Variants in PFAS observed in about 807,000 individuals in gnomAD.
PFAS encodes FGAM synthase.
In PFAS, 97 loss-of-function variants were observed where a neutral mutation model predicts 140.6. The ratio of observed to expected loss-of-function variants is 0.69; its 90% confidence interval spans 0.59 to 0.82. The LOEUF is 0.82. Ranked by LOEUF, PFAS falls within the 40% of genes least tolerant of loss-of-function variation. The pLI is 0.00. For synonymous variants in PFAS, 679 were observed against 718.8 expected, an observed-to-expected ratio of 0.94 and a Z score of 0.88; for missense variants, 1,656 against 1,780.2, an observed-to-expected ratio of 0.93 and a Z score of 1.26.
intron 15 of PFAS, 66 bp downstream of exon 15, chr17:8,264,002 G>C: frequency 6.4e-7 from 1 of 1,566,654 alleles, no homozygotes. Context: ...GTATGGGCTA[G>C]AGGGAGAGCT....
chr17:8,265,803 C>T, intron 20 of PFAS, 59 bp from the exon 21 acceptor site: 1 of 1,439,772 alleles, frequency 6.9e-7, no homozygotes, highest in South Asian at 1.2e-5. Context: ...GCTGTGAGCC[C>T]CTCAGGGATG....
chr17:8,257,023 C>T, intron 9 of PFAS, 60 bp downstream of exon 9: 1 of 1,576,862 alleles, frequency 6.3e-7, no homozygotes, highest in Admixed American at 1.7e-5. Flanking sequence ...TGGCAGGCAG[C>T]AAACTTCTAT....
rs1438792242 is a variant in PFAS, at chr17:8,267,389, G to A, written c.3193G>A (p.Val1065Ile). The change falls in exon 25 of 28, where the codon GTC becomes ATC. Residue 1065 changes from valine to isoleucine, a missense_variant. Val to Ile is a conservative substitution (Grantham distance 29, BLOSUM62 3). Transcript: ENST00000314666. This position sits in a 1 kb window ranked among gnomAD's most constrained non-coding sequence, Gnocchi z 4.9. ...PREPGGPSPRVAILREEGSNG... is the reference protein window; with the variant it reads ...PREPGGPSPRIAILREEGSNG... ...CCCCCAAGGTGGTCCCAGCCCCCGA[G>A]TCGCCATCTTGCGAGAGGAGGGCAG... 5 of 1,614,090 alleles carry A rather than the reference G, an allele frequency of 3.1e-6. No individual in the cohort carries two copies. The highest frequency in any genetic ancestry group is 2.2e-5 in the East Asian group (1 of 44,886).
intron 17 of PFAS, 63 bp from the exon 18 acceptor site, chr17:8,264,832 A>G (rs1452733128): frequency 2.5e-6 from 3 of 1,213,204 alleles, no homozygotes; most frequent in Non-Finnish European, 3.5e-6. Flanking sequence ...CCTTGGGGGC[A>G]TGTGCGGGAG....
rs755783932 is a variant in PFAS, at chr17:8,267,532, C to G, written c.3268-19C>G. On this transcript the variant is annotated intron_variant, in intron 25 of 27. Coordinates refer to ENST00000314666, the MANE Select transcript of PFAS (RefSeq NM_012393.3). The surrounding 1 kb of genome is among the most constrained non-coding windows in gnomAD (Gnocchi z 4.9). ...GCTGCGTGTCCTCCCACCCACACTC[C>G]CCCTCCCCACCTTCGCAGGTATGGG... 6.3e-7 allele frequency: 1 copy of G among 1,586,790 alleles called. No homozygotes were observed. Among genetic ancestry groups the G allele is most frequent in the Non-Finnish European group, 8.7e-7 (1 of 1,155,178 alleles).
intron 1 of PFAS, among the ~76,000 whole-genome samples, chr17:8,251,964 T>C (rs1361109174): frequency 1.3e-5 from 2 of 152,084 alleles, no homozygotes; most frequent in African/African-American, 4.8e-5. Flanking sequence ...TGAGCCACCA[T>C]GCCCAGCCCT....
rs1274924137 is a variant in PFAS, at chr17:8,269,819, T to C, written c.*555T>C. 1 of 152,708 alleles carries C rather than the reference T, an allele frequency of 6.5e-6. No homozygotes were observed. The highest frequency in any genetic ancestry group is 1.5e-5 in the Non-Finnish European group (1 of 68,456). 9.5% of individuals were successfully genotyped at this position (152,708 alleles called of 1,614,324 possible). On this transcript the variant is annotated 3_prime_UTR_variant, in exon 28 of 28. Transcript: ENST00000314666. ...GTGGAAGTTTCTCAGCGTTTCTGGCTGTCTTAGGGCTGGCCTCAGAACCCA... is the reference window on the plus strand; with the variant it reads ...GTGGAAGTTTCTCAGCGTTTCTGGCCGTCTTAGGGCTGGCCTCAGAACCCA...
At chr17:8,263,474 C>A (rs113912737) in intron 13 of PFAS, 101 bp from the exon 14 acceptor site, 3 of 1,132,154 alleles carry the variant, frequency 2.6e-6, no homozygotes, top group African/African-American at 3.1e-5. Context: ...GCAGTTGACA[C>A]AGGAACACAC....
upstream of PFAS, among the ~76,000 whole-genome samples, chr17:8,248,461 C>T (rs1448119679): frequency 8.1e-6 from 1 of 123,180 alleles, no homozygotes; most frequent in Non-Finnish European, 1.6e-5. Flanking sequence ...GGGGTTTCAC[C>T]ATGTGGCCAG....
chr17:8,248,018 G>A (rs374877315), upstream of PFAS: 89 of 1,610,140 alleles, frequency 5.5e-5, no homozygotes, highest in Middle Eastern at 1.7e-4. Context: ...GAAGGGACCT[G>A]GGCCCGGCCA....
At position 8,269,013 on chromosome 17, in the gene PFAS, C is replaced by T. The variant is rs1176860620; in HGVS notation, c.3766C>T (p.Pro1256Ser). ...QAQIEARGLA[P>S]LHWADDDGNP... ...TCAGATTGAGGCCAGGGGCTTGGCT[C>T]CACTGCACTGGGCTGATGATGACGG... The change falls in exon 28 of 28, where the codon CCA (proline) becomes TCA (serine). Residue 1256 changes from proline to serine, a missense_variant. By Grantham distance (74) the Pro-to-Ser change is moderately conservative. Transcript: ENST00000314666. The T allele has an allele frequency of 5.0e-6, 8 of 1,614,196 alleles. No individual in the cohort carries two copies. Among genetic ancestry groups the T allele is most frequent in the South Asian group, 1.1e-5 (1 of 91,084 alleles).
intron 1 of PFAS, among the ~76,000 whole-genome samples, chr17:8,250,550 TGGCAAGACTAG>T (rs902301566): frequency 2.2e-4 from 33 of 152,282 alleles, no homozygotes; most frequent in African/African-American, 7.7e-4. Flanking sequence ...GTTTACTGAG[TGGCAAGACTAG>T]GGGAACAGCA....
At chr17:8,254,620 C>T (rs1052471927) in intron 3 of PFAS, among the ~76,000 whole-genome samples, 3 of 152,090 alleles carry the variant, frequency 2.0e-5, no homozygotes, top group Admixed American at 6.5e-5. Flanking sequence ...CTGGCTAACA[C>T]GGTGAAGCCT....
upstream of PFAS, chr17:8,247,830 A>C: frequency 1.5e-6 from 1 of 648,952 alleles, no homozygotes. Flanking sequence ...TGAATGAGGG[A>C]ATAAACATTC....
Position 8,253,964 on chromosome 17 carries a change from T to C in PFAS, c.27T>C (p.Val9=). The C allele has an allele frequency of 6.2e-7, 1 of 1,614,042 alleles. No homozygotes were observed. The highest frequency in any genetic ancestry group is 8.5e-7 in the Non-Finnish European group (1 of 1,179,952). ...TGTCCCCAGTCCTTCACTTCTATGT[T>C]CGTCCCTCTGGCCATGAGGGGGCAG... MSPVLHFY[V]RPSGHEGAAP... The change falls in exon 2 of 28, where the codon GTT becomes GTC. Residue 9 remains valine, a synonymous_variant. Transcript: ENST00000314666.
intron 1 of PFAS, among the ~76,000 whole-genome samples, chr17:8,252,275 CAG>C (rs1989185628): frequency 1.3e-5 from 2 of 151,080 alleles, no homozygotes; most frequent in Non-Finnish European, 2.9e-5. Flanking sequence ...GCCTGGGTGA[CAG>C]AGTGAATCCA....
Position 8,263,131 on chromosome 17 carries a change from A to ACCT in PFAS, c.1434_1436dup (p.Leu479dup). ...CAGGTGCAGGGAGATAACACCAGTG[A>ACCT]CCTGGACTTTGGGGCTGTGCAGCGA... On this transcript the variant is annotated inframe_insertion, in exon 13 of 28. Coordinates refer to ENST00000314666, the MANE Select transcript of PFAS (RefSeq NM_012393.3). 1 of 1,614,030 alleles carries ACCT rather than the reference A, an allele frequency of 6.2e-7. No individual in the cohort carries two copies.
At chr17:8,252,402 GTTTGTT>G (rs1279551194) in intron 1 of PFAS, among the ~76,000 whole-genome samples, 1 of 151,868 alleles carries the variant, frequency 6.6e-6, no homozygotes, top group African/African-American at 2.4e-5. Context: ...TTTTTTGTTT[GTTTGTT>G]TTTGTTTGTT....
At position 8,267,263 on chromosome 17, in the gene PFAS, G is replaced by GT. The variant is rs749123907; in HGVS notation, c.3175+29dup. The GT allele has an allele frequency of 5.6e-5, 90 of 1,593,582 alleles. No homozygotes were observed. Among genetic ancestry groups the GT allele is most frequent in the Non-Finnish European group, 7.6e-5 (88 of 1,163,516 alleles). On this transcript the variant is annotated intron_variant, in intron 24 of 27. Coordinates refer to ENST00000314666, the MANE Select transcript of PFAS (RefSeq NM_012393.3). This position sits in a 1 kb window ranked among gnomAD's most constrained non-coding sequence, Gnocchi z 4.9. Reference sequence around the variant, plus strand: ...GAGGGAGTGTGTGCAGAGGCTCCGCGTCCTGGGGGCACTGAGCCTGGATGC... The same window carrying GT: ...GAGGGAGTGTGTGCAGAGGCTCCGCGTTCCTGGGGGCACTGAGCCTGGATGC...
Sources: gnomAD v4.1 joint callset for allele counts (sites outside exome capture counted in the v4.1 genomes callset) on GRCh38, gnomAD v4.1.1 for gene constraint, Gnocchi (gnomAD v3.1) non-coding constraint, MANE v1.5 for transcripts, NCBI Gene and HGNC (gene_info 2026-07-23, HGNC 2026-07-21) for gene names.